Variants in LPGAT1 observed in about 807,000 individuals in gnomAD.
The protein encoded by LPGAT1 is lysophosphatidylglycerol acyltransferase 1.
LPGAT1 carries 11 observed loss-of-function variants against 47.5 expected under a neutral mutation model. The observed-to-expected ratio is 0.23, with a 90% CI of 0.15 to 0.38. The LOEUF (loss-of-function observed/expected upper bound fraction) is 0.38. LPGAT1 is among the 10% of genes least tolerant of loss of function. The pLI is 1.00. For synonymous variants in LPGAT1, 138 were observed against 144.2 expected, an observed-to-expected ratio of 0.96 and a Z score of 0.31; for missense variants, 293 against 439.0, an observed-to-expected ratio of 0.67 and a Z score of 2.97.
intron 6 of LPGAT1, among the ~76,000 whole-genome samples, chr1:211,768,795 CT>C (rs1658045791): frequency 6.6e-6 from 1 of 152,162 alleles, no homozygotes; most frequent in Non-Finnish European, 1.5e-5. Flanking sequence ...AGGGGAACAA[CT>C]GCAATTTGAA....
chr1:211,822,003 A>C (rs1444643599), intron 2 of LPGAT1, among the ~76,000 whole-genome samples: 2 of 152,250 alleles, frequency 1.3e-5, no homozygotes, highest in Non-Finnish European at 2.9e-5. Flanking sequence ...TTCACTCACA[A>C]AGCAAAACCT....
chr1:211,767,681 TAAGAA>T (rs1424921798), intron 6 of LPGAT1, among the ~76,000 whole-genome samples: 3 of 151,970 alleles, frequency 2.0e-5, no homozygotes, highest in African/African-American at 7.2e-5. Flanking sequence ...CAAGTGATGA[TAAGAA>T]AAGCAGAAAA....
At chr1:211,763,111 T>TA (rs1657768784) in intron 6 of LPGAT1, among the ~76,000 whole-genome samples, 1 of 152,182 alleles carries the variant, frequency 6.6e-6, no homozygotes, top group Non-Finnish European at 1.5e-5. Context: ...GCATGGGACA[T>TA]ATAAAAGAGA....
intron 2 of LPGAT1, among the ~76,000 whole-genome samples, chr1:211,808,513 A>G (rs1659848127): frequency 6.6e-6 from 1 of 152,226 alleles, no homozygotes; most frequent in Admixed American, 6.5e-5. Context: ...AATGAAAATT[A>G]AAAACATGAC....
chr1:211,825,606 A>T (rs1163890423), intron 2 of LPGAT1, among the ~76,000 whole-genome samples: 1 of 152,170 alleles, frequency 6.6e-6, no homozygotes, highest in Non-Finnish European at 1.5e-5. Context: ...ATATTAAGAC[A>T]AAGGCAATAT....
chr1:211,753,450 T>C (rs921707748), intron 6 of LPGAT1, among the ~76,000 whole-genome samples: 2 of 152,126 alleles, frequency 1.3e-5, no homozygotes, highest in African/African-American at 4.8e-5. Context: ...ATTTCCTTTA[T>C]TGTATTTTAT....
At chr1:211,778,013 G>A (rs751264462) in intron 6 of LPGAT1, among the ~76,000 whole-genome samples, 1 of 152,160 alleles carries the variant, frequency 6.6e-6, no homozygotes, top group Non-Finnish European at 1.5e-5. Context: ...CAAATACCAT[G>A]GCAACATCAG....
chr1:211,747,497 G>C lies in LPGAT1; in HGVS notation c.*2402C>G, dbSNP rs185029944. ...TATTTAACAATATCATGTTCCTTTGGAGCACAGTGATGGCAAAAGTGGCCC... is the reference window on the plus strand; with the variant it reads ...TATTTAACAATATCATGTTCCTTTGCAGCACAGTGATGGCAAAAGTGGCCC... On this transcript the variant is annotated 3_prime_UTR_variant, in exon 8 of 8. Transcript: ENST00000366997. 2.0e-5 allele frequency: 3 copies of C among 152,226 alleles called. No individual in the cohort carries two copies. The highest frequency in any genetic ancestry group is 4.8e-5 in the African/African-American group (2 of 41,536). 9.4% of individuals were successfully genotyped at this position (152,226 alleles called of 1,614,324 possible). A position where few individuals can be genotyped will look rare whatever the true frequency, so the allele number is the denominator to read the frequency against.
intron 7 of LPGAT1, among the ~76,000 whole-genome samples, chr1:211,750,447 G>T (rs912126312): frequency 6.6e-6 from 1 of 152,172 alleles, no homozygotes; most frequent in Non-Finnish European, 1.5e-5. Flanking sequence ...ATCTGCATGA[G>T]AGCAGGCACT....
intron 2 of LPGAT1, among the ~76,000 whole-genome samples, chr1:211,808,106 G>A (rs1659830234): frequency 6.8e-6 from 1 of 146,174 alleles, no homozygotes; most frequent in Non-Finnish European, 1.5e-5. Flanking sequence ...AGCACTTTGG[G>A]AGGCCAAGGC....
chr1:211,750,085 C>G, intron 7 of LPGAT1, 35 bp from the exon 8 acceptor site: 1 of 1,589,108 alleles, frequency 6.3e-7, no homozygotes, highest in Non-Finnish European at 8.6e-7. Context: ...GTTTGTTTTA[C>G]TGTAATGGTA....
chr1:211,793,242 T>C, intron 2 of LPGAT1, 52 bp from the exon 3 acceptor site: 1 of 1,163,390 alleles, frequency 8.6e-7, no homozygotes, highest in African/African-American at 1.5e-5. Flanking sequence ...TTTTATATTA[T>C]CACAAACCTT....
At chr1:211,809,521 A>G (rs1470384921) in intron 2 of LPGAT1, among the ~76,000 whole-genome samples, 1 of 152,194 alleles carries the variant, frequency 6.6e-6, no homozygotes. Flanking sequence ...GTCCCTGCCC[A>G]AATCTCATCT....
intron 6 of LPGAT1, among the ~76,000 whole-genome samples, chr1:211,772,835 A>G (rs1027698648): frequency 3.9e-5 from 6 of 152,360 alleles, no homozygotes; most frequent in Admixed American, 3.9e-4. Flanking sequence ...CCTAAAATGT[A>G]TAAAAACTCA....
chr1:211,770,249 T>C (rs1385442509), intron 6 of LPGAT1, among the ~76,000 whole-genome samples: 1 of 152,190 alleles, frequency 6.6e-6, no homozygotes, highest in Admixed American at 6.5e-5. Context: ...TCATAGATAA[T>C]TTAAAATATT....
At chr1:211,829,025 C>G in intron 2 of LPGAT1, 34 bp downstream of exon 2, 1 of 1,600,500 alleles carries the variant, frequency 6.2e-7, no homozygotes, top group Non-Finnish European at 8.5e-7. Flanking sequence ...CAAATTTTTT[C>G]TTATGCATTA....
At chr1:211,777,079 T>C (rs1412408974) in intron 6 of LPGAT1, among the ~76,000 whole-genome samples, 1 of 152,204 alleles carries the variant, frequency 6.6e-6, no homozygotes, top group Non-Finnish European at 1.5e-5. Context: ...TATAACCAAA[T>C]GAACGAAAAT....
At chr1:211,796,165 A>C (rs1659342898) in intron 2 of LPGAT1, among the ~76,000 whole-genome samples, 1 of 152,192 alleles carries the variant, frequency 6.6e-6, no homozygotes, top group South Asian at 2.1e-4. Flanking sequence ...TATATAAATC[A>C]GATAAATCTA....
At chr1:211,816,000 C>T (rs992861416) in intron 2 of LPGAT1, among the ~76,000 whole-genome samples, 5 of 151,882 alleles carry the variant, frequency 3.3e-5, no homozygotes, top group African/African-American at 1.2e-4. Context: ...CCAGGATAGT[C>T]GCAATCTCTT....
Sources: gnomAD v4.1 joint callset for allele counts (sites outside exome capture counted in the v4.1 genomes callset) on GRCh38, gnomAD v4.1.1 for gene constraint, MANE v1.5 for transcripts, NCBI Gene and HGNC (gene_info 2026-07-23, HGNC 2026-07-21) for gene names.